The following PCIF1 variants were observed in gnomAD, a reference collection of about 807,000 sequenced individuals.
The protein encoded by PCIF1 is mRNA (2'-O-methyladenosine-N(6)-)-methyltransferase.
Under a neutral mutation model 86.9 loss-of-function variants are expected in PCIF1, and 12 were observed. That is an observed-to-expected ratio of 0.14 (90% confidence interval 0.09 to 0.22). PCIF1 has a LOEUF of 0.22. Among genes scored for constraint, PCIF1 ranks in the 10% least tolerant of loss-of-function variants. PCIF1 has a pLI of 1.00. For synonymous variants in PCIF1, 397 were observed against 372.0 expected (o/e 1.07, Z -0.77); for missense variants, 701 against 951.1 (o/e 0.74, Z 3.46).
intron 7 of PCIF1, among the ~76,000 whole-genome samples, chr20:45,941,823 G>T (rs752933836): frequency 2.0e-5 from 3 of 152,010 alleles, no homozygotes; most frequent in Non-Finnish European, 4.4e-5. Context: ...CTGGGCTCAA[G>T]CCTTCTGCTT....
intron 6 of PCIF1, 26 bp downstream of exon 6, chr20:45,940,965 G>T (rs764238681): frequency 2.7e-5 from 43 of 1,614,056 alleles, no homozygotes; most frequent in Middle Eastern, 1.7e-4. Flanking sequence ...TTGGCTTGGG[G>T]GCACCCATTG....
At chr20:45,935,316 A>G (rs2145856872) in intron 1 of PCIF1, among the ~76,000 whole-genome samples, 1 of 152,042 alleles carries the variant, frequency 6.6e-6, no homozygotes, top group East Asian at 1.9e-4. Context: ...CATTGCGGAG[A>G]TGGTCCCGCC....
chr20:45,939,479 C>G (rs1434886508), intron 4 of PCIF1, 140 bp downstream of exon 4: 2 of 1,247,608 alleles, frequency 1.6e-6, no homozygotes, highest in African/African-American at 3.0e-5. Context: ...ACAGACACAG[C>G]CCCTGCCCTC....
In PCIF1 at chr20:45,940,521, G is replaced by C; in HGVS notation, c.296G>C (p.Ser99Thr). The stretch of plus-strand genomic sequence containing the variant: ...GCGACCCCACTGCCCCAAGACTCAA[G>C]CTTGGTGGAAACTCCCCCGGCTGAG... Reference protein sequence around the residue: ...LNATPLPQDSSLVETPPAENK... With the variant: ...LNATPLPQDSTLVETPPAENK... The change falls in exon 5 of 17, where the codon AGC becomes ACC. Residue 99 changes from serine to threonine, a missense_variant. By Grantham distance (58) the Ser-to-Thr change is moderately conservative. Coordinates refer to ENST00000372409, the MANE Select transcript of PCIF1 (RefSeq NM_022104.4). 6.2e-7 allele frequency: 1 copy of C among 1,608,372 alleles called. No individual in the cohort carries two copies. Among genetic ancestry groups the C allele is most frequent in the Non-Finnish European group, 8.5e-7 (1 of 1,177,242 alleles).
At chr20:45,939,438 G>A (rs554697381) in intron 4 of PCIF1, 99 bp downstream of exon 4, 89 of 1,520,190 alleles carry the variant, frequency 5.9e-5, no homozygotes, top group Non-Finnish European at 7.9e-5. Flanking sequence ...CCAGCCCTGT[G>A]CTGGCACCTG....
At position 45,948,017 on chromosome 20, in the gene PCIF1, C is replaced by G. The variant is rs780613882; in HGVS notation, c.*262C>G. 2.1e-6 allele frequency: 3 copies of G among 1,456,302 alleles called. No individual in the cohort carries two copies. Among genetic ancestry groups the G allele is most frequent in the South Asian group, 1.2e-5 (1 of 81,940 alleles). 90.2% of individuals were successfully genotyped at this position (1,456,302 alleles called of 1,614,324 possible). On this transcript the variant is annotated 3_prime_UTR_variant, in exon 17 of 17. Transcript: ENST00000372409. Reference sequence around the variant, plus strand: ...TGTAAAAGGAAATACAGAAACCCCCCCAAGAATGTGTGAGGGTCTTGAGGG... The same window carrying G: ...TGTAAAAGGAAATACAGAAACCCCCGCAAGAATGTGTGAGGGTCTTGAGGG...
intron 1 of PCIF1, among the ~76,000 whole-genome samples, chr20:45,935,066 G>C (rs2083407335): frequency 6.6e-6 from 1 of 151,732 alleles, no homozygotes; most frequent in Non-Finnish European, 1.5e-5. Context: ...GTCGGGCTCC[G>C]ACTCTGAGTC....
chr20:45,943,008 T>G lies in PCIF1; in HGVS notation c.674-89T>G. 1 of 1,356,976 alleles carries G rather than the reference T, an allele frequency of 7.4e-7. No homozygotes were observed. The highest frequency in any genetic ancestry group is 2.4e-5 in the East Asian group (1 of 41,330). The allele number at this position is 1,356,976 out of a possible 1,614,324, so 84.1% of individuals were successfully genotyped here. A position where few individuals can be genotyped will look rare whatever the true frequency, so the allele number is the denominator to read the frequency against. ...TGAAGTGGGACTGTGTCTTGCTTAC[T>G]GCTGAATGCGATGCTTCCTATACGT... On this transcript the variant is annotated intron_variant, in intron 7 of 16. Transcript: ENST00000372409. The surrounding 1 kb of genome is among the most constrained non-coding windows in gnomAD (Gnocchi z 5.5).
intron 2 of PCIF1, 73 bp downstream of exon 2, chr20:45,937,658 T>C (rs1159551946): frequency 7.5e-6 from 3 of 398,502 alleles, no homozygotes; most frequent in Non-Finnish European, 1.3e-5. Context: ...GAATTCTTCC[T>C]GCCCAGAGAA....
rs748276366 is a variant in PCIF1, at chr20:45,943,075, C to G, written c.674-22C>G. The G allele has an allele frequency of 1.9e-6, 3 of 1,609,896 alleles. No homozygotes were observed. The highest frequency in any genetic ancestry group is 2.5e-6 in the Non-Finnish European group (3 of 1,177,630). The stretch of plus-strand genomic sequence containing the variant: ...GACTGCTTGATTAAATCCAGGCCTT[C>G]AGCAGCTCTCCTGTCCTGCAGGCAT... On this transcript the variant is annotated intron_variant, in intron 7 of 16. Coordinates refer to ENST00000372409, the MANE Select transcript of PCIF1 (RefSeq NM_022104.4). The surrounding 1 kb of genome is among the most constrained non-coding windows in gnomAD (Gnocchi z 5.5).
At chr20:45,938,156 G>T (rs779167253) in intron 2 of PCIF1, among the ~76,000 whole-genome samples, 14 of 152,290 alleles carry the variant, frequency 9.2e-5, no homozygotes, top group Middle Eastern at 3.4e-3. Context: ...TGCTTTGGGT[G>T]GGGGAGTAGG....
chr20:45,935,849 A>G (rs572875342), intron 1 of PCIF1, among the ~76,000 whole-genome samples: 42 of 151,762 alleles, frequency 2.8e-4, no homozygotes, highest in Non-Finnish European at 4.0e-4. Context: ...ACAAACTCCA[A>G]GATGATTCTG....
Position 45,947,570 on chromosome 20 carries a change from C to G in PCIF1, c.1930C>G (p.Leu644Val), listed in dbSNP as rs1317659057. Reference protein sequence around the residue: ...KAVHNTAVLFLQNDPGFAKWA... With the variant: ...KAVHNTAVLFVQNDPGFAKWA... ...CGTCCACAACACGGCTGTGCTCTTCCTACAGAACGACCCTGGCTTTGCCAA... is the reference window on the plus strand; with the variant it reads ...CGTCCACAACACGGCTGTGCTCTTCGTACAGAACGACCCTGGCTTTGCCAA... Residue 644 changes from leucine to valine, a missense_variant, in exon 17 of 17, where the codon CTA becomes GTA. By Grantham distance (32) the Leu-to-Val change is conservative. Around this residue, in one of 7 missense-constraint regions of PCIF1, gnomAD observed 174 missense variants for 206.9 expected, o/e 0.84. Coordinates refer to ENST00000372409, the MANE Select transcript of PCIF1 (RefSeq NM_022104.4). The surrounding 1 kb of genome is among the most constrained non-coding windows in gnomAD (Gnocchi z 5.4). 2.5e-6 allele frequency: 4 copies of G among 1,613,508 alleles called. No homozygotes were observed. In the South Asian group the frequency reaches 4.4e-5, roughly 18 times the overall value.
Position 45,939,358 on chromosome 20 carries a change from TG to T in PCIF1, c.249+26del, listed in dbSNP as rs781006842. The T allele has an allele frequency of 3.7e-6, 6 of 1,612,192 alleles. No individual in the cohort carries two copies. Among genetic ancestry groups the T allele is most frequent in the East Asian group, 2.2e-5 (1 of 44,864 alleles). On this transcript the variant is annotated intron_variant, in intron 4 of 16. Transcript: ENST00000372409. ...TGTGATTGTGAGTGCCAGCCTAGGG[TG>T]GGGGGGTCTCAGAGTGGCCTCTGGC...
intron 7 of PCIF1, among the ~76,000 whole-genome samples, chr20:45,942,506 G>T (rs1197977849): frequency 6.6e-6 from 1 of 151,338 alleles, no homozygotes; most frequent in Non-Finnish European, 1.5e-5. Context: ...GTAGAGATGG[G>T]TTTTTTCCAT....
Position 45,939,376 on chromosome 20 carries a change from G to C in PCIF1, c.249+37G>C, listed in dbSNP as rs1438733157. ...CCTAGGGTGGGGGGGTCTCAGAGTGGCCTCTGGCACCTGGGCCTTCCCCAA... is the reference window on the plus strand; with the variant it reads ...CCTAGGGTGGGGGGGTCTCAGAGTGCCCTCTGGCACCTGGGCCTTCCCCAA... On this transcript the variant is annotated intron_variant, in intron 4 of 16. Transcript: ENST00000372409. The C allele has an allele frequency of 1.9e-6, 3 of 1,610,274 alleles. No homozygotes were observed. In the East Asian group the frequency reaches 6.7e-5, roughly 36 times the overall value.
rs1191149875 is a variant in PCIF1 at position 45,943,284 on chromosome 20, T to C, written c.821+40T>C. ...CTGGGGATGACCCTGGGCCATTTGG[T>C]TTCTGTGCCCAGTCATGTATAGAAG... is the stretch of plus-strand genomic sequence containing the variant. On this transcript the variant is annotated intron_variant, in intron 8 of 16. Coordinates refer to ENST00000372409, the MANE Select transcript of PCIF1 (RefSeq NM_022104.4). This position sits in a 1 kb window ranked among gnomAD's most constrained non-coding sequence, Gnocchi z 5.5. 1.2e-6 allele frequency: 2 copies of C among 1,613,866 alleles called. No homozygotes were observed. Among genetic ancestry groups the C allele is most frequent in the Non-Finnish European group, 1.7e-6 (2 of 1,179,742 alleles).
At chr20:45,940,763 C>G (rs368879257) in intron 5 of PCIF1, 46 bp from the exon 6 acceptor site, 22 of 1,604,262 alleles carry the variant, frequency 1.4e-5, no homozygotes, top group Non-Finnish European at 1.9e-5. Context: ...GATGGAGCCT[C>G]TCTGGTGAAT....
chr20:45,945,721 G>A lies in PCIF1; in HGVS notation c.1179G>A (p.Glu393=). Residue 393 remains glutamate, a synonymous_variant, in exon 12 of 17, where the codon GAG becomes GAA. Coordinates refer to ENST00000372409, the MANE Select transcript of PCIF1 (RefSeq NM_022104.4). ...TCTCCCTGCCCACAGAGGAGGTGGA[G>A]GCCCCTGAGGTGGAGCCCCGCCTAG... is the stretch of plus-strand genomic sequence containing the variant. ...LKENNISEEV[E]APEVEPRLVY... is the part of the protein sequence containing the mutation. 4 of 1,612,746 alleles carry A rather than the reference G, an allele frequency of 2.5e-6. No individual in the cohort carries two copies. The highest frequency in any genetic ancestry group is 3.4e-6 in the Non-Finnish European group (4 of 1,179,160).
Sources: allele counts gnomAD v4.1 joint callset (sites outside exome capture counted in the v4.1 genomes callset), GRCh38; gene constraint gnomAD v4.1.1; regional missense constraint gnomAD v4.1.1; non-coding constraint Gnocchi (gnomAD v3.1); transcripts MANE v1.5; gene names NCBI Gene and HGNC (gene_info 2026-07-23, HGNC 2026-07-21).